INSRR: variants seen among roughly 807,000 people sequenced by gnomAD.
INSRR encodes the protein insulin receptor related receptor.
INSRR carries 114 observed loss-of-function variants against 130.0 expected under a neutral mutation model. The ratio of observed to expected loss-of-function variants is 0.88; its 90% confidence interval spans 0.75 to 1.02. The LOEUF (loss-of-function observed/expected upper bound fraction) is 1.02, where lower values mean the gene tolerates loss of function less well. INSRR is among the 50% of genes least tolerant of loss of function. The pLI is 0.00. For synonymous variants in INSRR, 674 were observed against 705.2 expected, an observed-to-expected ratio of 0.96 and a Z score of 0.70; for missense variants, 1,657 against 1,735.2, an observed-to-expected ratio of 0.95 and a Z score of 0.80.
At chr1:156,845,838 T>C (rs961355868) in intron 9 of INSRR, 24 bp from the exon 10 acceptor site, 2 of 1,607,464 alleles carry the variant, frequency 1.2e-6, no homozygotes, top group African/African-American at 2.7e-5. Flanking sequence ...GGGAAGACAC[T>C]AGTAAGACAG....
intron 7 of INSRR, among the ~76,000 whole-genome samples, chr1:156,847,340 C>A (rs1655047686): frequency 6.6e-6 from 1 of 152,198 alleles, no homozygotes; most frequent in South Asian, 2.1e-4. Flanking sequence ...GGGCCAGAGG[C>A]AACTAGTGCT....
At chr1:156,842,889 C>T in intron 17 of INSRR, 115 bp downstream of exon 17, 1 of 815,662 alleles carries the variant, frequency 1.2e-6, no homozygotes, top group South Asian at 1.8e-5. Flanking sequence ...GGATCCTAAC[C>T]ATGGTCCCAA....
chr1:156,849,072 G>T, intron 6 of INSRR, 25 bp from the exon 7 acceptor site: 3 of 1,604,620 alleles, frequency 1.9e-6, no homozygotes, highest in Non-Finnish European at 2.6e-6. Context: ...GGGCCTGCTC[G>T]CAACCGCGCC....
In INSRR at chr1:156,846,138, T is replaced by G. The variant is rs1184658366; in HGVS notation, c.1811-19A>C. The G allele has an allele frequency of 3.2e-6, 5 of 1,568,506 alleles. No homozygotes were observed. In the African/African-American group the frequency reaches 6.8e-5, roughly 21 times the overall value. On this transcript the variant is annotated intron_variant, in intron 8 of 21. Transcript: ENST00000368195. ...GTGGGAGCTAGGAGTGCGAGAAGGATGCAACTCAGGGGTGTGGGTCTTCCT... is the reference window on the plus strand; with the variant it reads ...GTGGGAGCTAGGAGTGCGAGAAGGAGGCAACTCAGGGGTGTGGGTCTTCCT...
intron 7 of INSRR, among the ~76,000 whole-genome samples, chr1:156,848,401 C>A (rs574213274): frequency 6.6e-6 from 1 of 152,168 alleles, no homozygotes; most frequent in Non-Finnish European, 1.5e-5. Context: ...GATTCCTAAC[C>A]GTGTTTTTGG....
At chr1:156,850,731 A>T (rs1655178079) in intron 5 of INSRR, among the ~76,000 whole-genome samples, 1 of 148,512 alleles carries the variant, frequency 6.7e-6, no homozygotes. Flanking sequence ...CTTTTTTTGT[A>T]TTTTTAGTAA....
rs1327364524 is a variant in INSRR at position 156,857,157 on chromosome 1, C to CTGTG, written c.85+1376_85+1379dup. ...TCCTGAGCTTGGCTCTGCCCAGCAG[C>CTGTG]TGTGTATGTGTGTGTGTGTGTGTGT... On this transcript the variant is annotated intron_variant, in intron 1 of 21. Transcript: ENST00000368195. Among the ~76,000 whole-genome samples, 180 of 121,388 alleles carry CTGTG rather than the reference C, an allele frequency of 1.5e-3. 2 individuals carry two copies. Among genetic ancestry groups the CTGTG allele is most frequent in the African/African-American group, 3.6e-3 (111 of 30,576 alleles). 79.6% of individuals were successfully genotyped at this position (121,388 alleles called of 152,430 possible).
At chr1:156,852,462 G>T (rs1340203377) in intron 2 of INSRR, among the ~76,000 whole-genome samples, 2 of 152,206 alleles carry the variant, frequency 1.3e-5, no homozygotes, top group Non-Finnish European at 2.9e-5. Context: ...CATCAGGGTT[G>T]TTGCTCTCCA....
At chr1:156,851,165 T>A (rs1374964207) in intron 5 of INSRR, 125 bp downstream of exon 5, 1 of 986,740 alleles carries the variant, frequency 1.0e-6, no homozygotes, top group Admixed American at 1.7e-5. Flanking sequence ...GAAGTTAACC[T>A]ACTTAGAGTC....
chr1:156,847,472 T>C (rs1571664116), intron 7 of INSRR, among the ~76,000 whole-genome samples: 2 of 152,024 alleles, frequency 1.3e-5, no homozygotes, highest in Non-Finnish European at 1.5e-5. Context: ...GAACAGACCA[T>C]GGGAGACAAT....
chr1:156,846,228 T>C, intron 8 of INSRR, 109 bp from the exon 9 acceptor site: 1 of 1,172,094 alleles, frequency 8.5e-7, no homozygotes, highest in Non-Finnish European at 1.2e-6. Flanking sequence ...TCCCAAAGAA[T>C]AGGTGATCCT....
At chr1:156,841,192 T>A (rs570999218) in intron 21 of INSRR, 88 bp from the exon 22 acceptor site, 2 of 1,084,252 alleles carry the variant, frequency 1.8e-6, no homozygotes, top group Non-Finnish European at 2.7e-6. Flanking sequence ...TTGGTGGGAG[T>A]GGGGATCGTG....
At chr1:156,855,630 C>T (rs1655382591) in intron 1 of INSRR, among the ~76,000 whole-genome samples, 3 of 152,090 alleles carry the variant, frequency 2.0e-5, no homozygotes, top group South Asian at 4.2e-4. Flanking sequence ...CGAGACCAGC[C>T]TGGGCAACAT....
Position 156,845,690 on chromosome 1 carries a change from C to CG in INSRR, c.2102dup (p.Leu702AlafsTer13). 1 of 1,611,926 alleles carries CG rather than the reference C, an allele frequency of 6.2e-7. No homozygotes were observed. Among genetic ancestry groups the CG allele is most frequent in the Non-Finnish European group, 8.5e-7 (1 of 1,179,284 alleles). On this transcript the variant is annotated frameshift_variant, in exon 10 of 22. Coordinates refer to ENST00000368195, the MANE Select transcript of INSRR (RefSeq NM_014215.3). LOFTEE classifies it high-confidence loss of function. Reference sequence around the variant, plus strand: ...GGAACGAGGCCTCTTGCGCCTCCAGCGGGGGCAGAACCTGACCAGGAGGTG... The same window carrying CG: ...GGAACGAGGCCTCTTGCGCCTCCAGCGGGGGGCAGAACCTGACCAGGAGGTG...
intron 12 of INSRR, 79 bp downstream of exon 12, chr1:156,844,997 A>G: frequency 6.5e-7 from 1 of 1,530,378 alleles, no homozygotes; most frequent in South Asian, 1.2e-5. Flanking sequence ...GGGGTTAGCG[A>G]GAAGTCAAAC....
intron 6 of INSRR, 50 bp downstream of exon 6, chr1:156,849,196 G>A (rs770674338): frequency 1.2e-6 from 2 of 1,604,998 alleles, no homozygotes; most frequent in Non-Finnish European, 1.7e-6. Context: ...CCGGGTGTGC[G>A]TGTCTAGTGT....
intron 1 of INSRR, among the ~76,000 whole-genome samples, chr1:156,857,585 G>A (rs1033755087): frequency 6.6e-6 from 1 of 152,124 alleles, no homozygotes; most frequent in African/African-American, 2.4e-5. Flanking sequence ...TTCGGTGGTC[G>A]GGGGAGTGGT....
At position 156,843,107 on chromosome 1, in the gene INSRR, G is replaced by A; in HGVS notation, c.3023C>T (p.Thr1008Ile). 6.2e-7 allele frequency: 1 copy of A among 1,614,168 alleles called. No individual in the cohort carries two copies. The highest frequency in any genetic ancestry group is 8.5e-7 in the Non-Finnish European group (1 of 1,180,046). The change falls in exon 17 of 22, where the codon ACA becomes ATA. Residue 1008 changes from threonine to isoleucine, a missense_variant. Coordinates refer to ENST00000368195, the MANE Select transcript of INSRR (RefSeq NM_014215.3). Reference protein sequence around the residue: ...ARGLEAGEESTPVALKTVNEL... With the variant: ...ARGLEAGEESIPVALKTVNEL... ...ATTCACCGTCTTCAGGGCCACGGGT[G>A]TGGACTCCTCTCCAGCCTCAAGTCC...
intron 21 of INSRR, 35 bp downstream of exon 21, chr1:156,841,359 T>A (rs767554324): frequency 6.3e-7 from 1 of 1,598,158 alleles, no homozygotes; most frequent in Non-Finnish European, 8.6e-7. Context: ...TGTAGGTAGA[T>A]CAACAATGAG....
Sources: gnomAD v4.1 joint callset for allele counts (sites outside exome capture counted in the v4.1 genomes callset) on GRCh38, gnomAD v4.1.1 for gene constraint, MANE v1.5 for transcripts, NCBI Gene and HGNC (gene_info 2026-07-23, HGNC 2026-07-21) for gene names.